The following DGLUCY variants were observed in gnomAD, a reference collection of about 807,000 sequenced individuals.
DGLUCY encodes the protein D-glutamate cyclase.
A neutral mutation model predicts 58.5 loss-of-function variants in DGLUCY; 58 were observed. The observed-to-expected ratio is 0.99, with a 90% CI of 0.80 to 1.23. DGLUCY has a LOEUF of 1.23. Ranked by LOEUF, DGLUCY falls within the 50% of genes most tolerant of loss-of-function variation. DGLUCY has a pLI of 0.00. For synonymous variants in DGLUCY, 325 were observed against 314.1 expected (o/e 1.03, Z -0.37); for missense variants, 779 against 784.7 (o/e 0.99, Z 0.09).
chr14:91,152,247 G>A (rs1473135620), intron 1 of DGLUCY, among the ~76,000 whole-genome samples: 1 of 152,044 alleles, frequency 6.6e-6, no homozygotes, highest in Non-Finnish European at 1.5e-5. Flanking sequence ...ACAGAAATTA[G>A]CTGGGCACAG....
At chr14:91,151,686 G>C (rs1016149637) in intron 1 of DGLUCY, among the ~76,000 whole-genome samples, 1 of 122,200 alleles carries the variant, frequency 8.2e-6, no homozygotes, top group Non-Finnish European at 1.6e-5. Context: ...ATGCAGTCTT[G>C]CTCTGTCACC....
Position 91,163,397 on chromosome 14 carries a change from T to C in DGLUCY, c.103+3000T>C, listed in dbSNP as rs1281595156. 2.0e-5 allele frequency among the ~76,000 whole-genome samples: 3 copies of C among 152,210 alleles called. No homozygotes were observed. The East Asian group carries it at 5.8e-4, about 29-fold the overall frequency. On this transcript the variant is annotated intron_variant, in intron 3 of 13. Transcript: ENST00000256324. ...CTCCAGATAACTTTTGGAGCCGTGC[T>C]GGGCTTGCTTGAGACTGGCATCAGG...
intron 1 of DGLUCY, among the ~76,000 whole-genome samples, chr14:91,084,725 TGGA>T (rs1383304189): frequency 6.6e-6 from 1 of 152,176 alleles, no homozygotes; most frequent in African/African-American, 2.4e-5. Flanking sequence ...ACTTCCAGCA[TGGA>T]GGAGGAGAGA....
At position 91,160,247 on chromosome 14, in the gene DGLUCY, C is replaced by G. The variant is rs1247707357; in HGVS notation, c.-29-19C>G. 22 of 1,475,456 alleles carry G rather than the reference C, an allele frequency of 1.5e-5. No homozygotes were observed. The highest frequency in any genetic ancestry group is 9.1e-5 in the South Asian group (8 of 88,228). 91.4% of individuals were successfully genotyped at this position (1,475,456 alleles called of 1,614,324 possible). On this transcript the variant is annotated intron_variant, in intron 2 of 13. Transcript: ENST00000256324. ...GGGGCCACACTTTCTAATTTGTTCC[C>G]TTTCCTTCCCTCACCCAGATTCTCT...
intron 1 of DGLUCY, among the ~76,000 whole-genome samples, chr14:91,149,443 T>A (rs2047193010): frequency 1.3e-5 from 2 of 152,216 alleles, no homozygotes; most frequent in Non-Finnish European, 2.9e-5. Context: ...GTGCTCATGG[T>A]GACCCTGAAG....
chr14:91,215,603 G>A, intron 13 of DGLUCY, 47 bp downstream of exon 13: 1 of 1,611,494 alleles, frequency 6.2e-7, no homozygotes, highest in Non-Finnish European at 8.5e-7. Flanking sequence ...CTTTTACCCT[G>A]GATGAGCAGC....
chr14:91,166,033 A>T (rs981130890), intron 3 of DGLUCY, among the ~76,000 whole-genome samples: 1 of 152,258 alleles, frequency 6.6e-6, no homozygotes, highest in East Asian at 1.9e-4. Flanking sequence ...ATGCAACAAT[A>T]TGAATGAATC....
chr14:91,215,135 C>G (rs1300562674), intron 12 of DGLUCY, among the ~76,000 whole-genome samples: 1 of 152,108 alleles, frequency 6.6e-6, no homozygotes, highest in African/African-American at 2.4e-5. Context: ...GGCAACAGAG[C>G]AAGACTTTGT....
chr14:91,106,664 T>G (rs7141250), upstream of DGLUCY, among the ~76,000 whole-genome samples: 137,542 of 151,080 alleles, frequency 0.91, 63,152 homozygotes, highest in East Asian at 1. Context: ...CCCAGATTGC[T>G]CCACTGCACT....
chr14:91,180,834 A>T (rs866775176), intron 7 of DGLUCY, among the ~76,000 whole-genome samples: 1 of 152,248 alleles, frequency 6.6e-6, no homozygotes, highest in Non-Finnish European at 1.5e-5. Flanking sequence ...CTGGAAAGCA[A>T]AGCAAGATGG....
At chr14:91,118,724 T>C (rs1465955609) in intron 1 of DGLUCY, among the ~76,000 whole-genome samples, 1 of 152,204 alleles carries the variant, frequency 6.6e-6, no homozygotes, top group African/African-American at 2.4e-5. Flanking sequence ...CCTGGACTAG[T>C]ATTTCAGGTT....
intron 11 of DGLUCY, among the ~76,000 whole-genome samples, chr14:91,201,148 G>A (rs1417941432): frequency 1.3e-5 from 2 of 152,138 alleles, no homozygotes; most frequent in African/African-American, 2.4e-5. Context: ...GGTAGGGCAG[G>A]AACAAATCAC....
intron 8 of DGLUCY, among the ~76,000 whole-genome samples, chr14:91,185,968 C>A (rs571517793): frequency 6.6e-6 from 1 of 152,266 alleles, no homozygotes; most frequent in South Asian, 2.1e-4. Context: ...ATAGAAGATT[C>A]ATAACAGCAT....
At chr14:91,098,427 A>C in intron 1 of DGLUCY, among the ~76,000 whole-genome samples, 1 of 152,226 alleles carries the variant, frequency 6.6e-6, no homozygotes, top group Middle Eastern at 3.2e-3. Flanking sequence ...CTGCACTCCC[A>C]GCCTGGGTGA....
rs151302986 is a variant in DGLUCY, at chr14:91,190,278, C to T, written c.1195+1108C>T. ...CTGGGATTACAGGCGTGAGCCACCG[C>T]GCCCGGCCTCTGTTAGGTTCTTGAG... is the stretch of plus-strand genomic sequence containing the variant. On this transcript the variant is annotated intron_variant, in intron 9 of 13. Coordinates refer to ENST00000256324, the MANE Select transcript of DGLUCY (RefSeq NM_001102368.3). Among the ~76,000 whole-genome samples, 462 of 152,264 alleles carry T rather than the reference C, an allele frequency of 3.0e-3. 5 individuals are homozygous for T. Among genetic ancestry groups the T allele is most frequent in the African/African-American group, 0.01 (433 of 41,548 alleles).
chr14:91,199,559 C>T (rs541540398), intron 10 of DGLUCY, among the ~76,000 whole-genome samples, 198 bp from the exon 11 acceptor site: 2 of 152,184 alleles, frequency 1.3e-5, no homozygotes, highest in South Asian at 2.1e-4. Flanking sequence ...AGCCCCAATG[C>T]TATATCTTAA....
chr14:91,171,366 C>T (rs575203815), intron 5 of DGLUCY, among the ~76,000 whole-genome samples: 11 of 152,358 alleles, frequency 7.2e-5, no homozygotes, highest in African/African-American at 2.4e-4. Context: ...TAAGTGTCCA[C>T]AGTAAGTGCT....
intron 12 of DGLUCY, among the ~76,000 whole-genome samples, 153 bp from the exon 13 acceptor site, chr14:91,215,252 G>T (rs1374246129): frequency 6.6e-6 from 1 of 152,158 alleles, no homozygotes; most frequent in Non-Finnish European, 1.5e-5. Flanking sequence ...TCTTGGCTGG[G>T]GCCAAAGAAT....
At chr14:91,172,614 A>G (rs999804990) in intron 5 of DGLUCY, among the ~76,000 whole-genome samples, 4 of 151,948 alleles carry the variant, frequency 2.6e-5, no homozygotes, top group Non-Finnish European at 2.9e-5. Context: ...TTAGGCTGCT[A>G]CTGAGGAAGC....
Sources: allele counts gnomAD v4.1 joint callset (sites outside exome capture counted in the v4.1 genomes callset), GRCh38; gene constraint gnomAD v4.1.1; transcripts MANE v1.5; gene names NCBI Gene and HGNC (gene_info 2026-07-23, HGNC 2026-07-21).